Variants in REEP1 observed in about 807,000 individuals in gnomAD.
The protein encoded by REEP1 is receptor accessory protein 1, also known as receptor expression-enhancing protein 1.
REEP1 carries 22 observed loss-of-function variants against 40.3 expected under a neutral mutation model. The observed-to-expected ratio is 0.55, with a 90% CI of 0.39 to 0.78. The LOEUF is 0.78. Ranked by LOEUF, REEP1 falls within the 30% of genes least tolerant of loss-of-function variation. The probability of loss-of-function intolerance (pLI) is 0.00; values close to 1 mark genes in which losing one functional copy is unlikely to be tolerated. For missense variants in REEP1, 280 were observed against 361.1 expected, an observed-to-expected ratio of 0.78 and a Z score of 1.82; for synonymous variants, 116 against 139.2, an observed-to-expected ratio of 0.83 and a Z score of 1.17.
chr2:86,313,454 T>A (rs1679857317), intron 1 of REEP1, among the ~76,000 whole-genome samples: 1 of 152,192 alleles, frequency 6.6e-6, no homozygotes, highest in Non-Finnish European at 1.5e-5. Context: ...CTGTTTCTTA[T>A]ACTGAGAAGT....
intron 7 of REEP1, among the ~76,000 whole-genome samples, chr2:86,225,077 G>C (rs1299824560): frequency 2.6e-5 from 4 of 152,220 alleles, no homozygotes; most frequent in East Asian, 3.8e-4. Context: ...CCATGAACTA[G>C]TGTGTCCACC....
At position 86,220,084 on chromosome 2, in the gene REEP1, T is replaced by G; in HGVS notation, c.669A>C (p.Ala223=). ...GGTTTTGGACCTGGTGGGGCTCCCA[T>G]GCCTTCATACCACCCTCATTCACAT... ...EGDVNEGGMK[A]WEPHQVQNPL... is the part of the protein sequence containing the mutation. Residue 223 remains alanine (A), a synonymous_variant, in exon 8 of 9, where the codon GCA becomes GCC. Coordinates refer to ENST00000538924, the MANE Select transcript of REEP1 (RefSeq NM_001371279.1). 1 of 1,232,198 alleles carries G rather than the reference T, an allele frequency of 8.1e-7. No homozygotes were observed. Among genetic ancestry groups the G allele is most frequent in the Non-Finnish European group, 1.0e-6 (1 of 987,996 alleles). The allele number at this position is 1,232,198 out of a possible 1,614,324, so 76.3% of individuals were successfully genotyped here. A position where few individuals can be genotyped will look rare whatever the true frequency, so the allele number is the denominator to read the frequency against.
At chr2:86,303,206 CTAAT>C (rs1290617144) in intron 1 of REEP1, among the ~76,000 whole-genome samples, 4 of 134,934 alleles carry the variant, frequency 3.0e-5, no homozygotes, top group Admixed American at 8.3e-5. Context: ...CGATGCCCGG[CTAAT>C]TGTTTTTTTT....
At chr2:86,316,169 G>A (rs961563456) in intron 1 of REEP1, among the ~76,000 whole-genome samples, 1 of 152,160 alleles carries the variant, frequency 6.6e-6, no homozygotes, top group Non-Finnish European at 1.5e-5. Flanking sequence ...CTTTTAAGAT[G>A]TGTGAGCCAG....
intron 7 of REEP1, among the ~76,000 whole-genome samples, chr2:86,226,102 C>CCACCACCAG (rs1573994310): frequency 6.8e-6 from 1 of 146,366 alleles, no homozygotes; most frequent in Non-Finnish European, 1.5e-5. Context: ...ACCACCACCA[C>CCACCACCAG]CACCACCACC....
intron 1 of REEP1, among the ~76,000 whole-genome samples, chr2:86,307,360 T>C (rs867967728): frequency 1.3e-5 from 2 of 152,198 alleles, no homozygotes; most frequent in Middle Eastern, 3.2e-3. Context: ...AATAGAGGCA[T>C]GGCTCTTACA....
intron 7 of REEP1, among the ~76,000 whole-genome samples, chr2:86,221,276 C>G (rs1464754722): frequency 6.6e-6 from 1 of 152,202 alleles, no homozygotes; most frequent in African/African-American, 2.4e-5. Flanking sequence ...TCCCCAACAG[C>G]CAGCAGGAAG....
In REEP1 at chr2:86,236,941, A is replaced by G. The variant is rs534205838; in HGVS notation, c.418-4139T>C. On this transcript the variant is annotated intron_variant, in intron 5 of 8. Transcript: ENST00000538924. ...AGTAGAGACGGGGTTTCACCGTGTT[A>G]GCCAGGATGGTCTCGATCTCCTGAC... 2.5e-3 allele frequency among the ~76,000 whole-genome samples: 386 copies of G among 152,264 alleles called. 4 individuals carry two copies. The highest frequency in any genetic ancestry group is 8.3e-3 in the African/African-American group (346 of 41,562).
chr2:86,311,569 C>T (rs1320463003), intron 1 of REEP1, among the ~76,000 whole-genome samples: 5 of 152,120 alleles, frequency 3.3e-5, no homozygotes, highest in African/African-American at 1.2e-4. Flanking sequence ...GGGCATCACT[C>T]CAATCTGGCT....
chr2:86,236,392 C>T (rs535882871), intron 5 of REEP1, among the ~76,000 whole-genome samples: 4 of 152,278 alleles, frequency 2.6e-5, no homozygotes, highest in Admixed American at 6.5e-5. Context: ...GGAAGAACCA[C>T]GAGTTGTTCA....
At chr2:86,328,237 T>G (rs975779771) in intron 1 of REEP1, among the ~76,000 whole-genome samples, 1 of 152,192 alleles carries the variant, frequency 6.6e-6, no homozygotes, top group African/African-American at 2.4e-5. Flanking sequence ...ACTAGCCTCT[T>G]TCTCAAGGTG....
chr2:86,288,536 G>T (rs948010355), intron 1 of REEP1, among the ~76,000 whole-genome samples: 3 of 152,188 alleles, frequency 2.0e-5, no homozygotes, highest in Admixed American at 6.5e-5. Context: ...GCATACTTAG[G>T]TTCCTTATTT....
chr2:86,218,524 C>T (rs1022736532), intron 8 of REEP1, among the ~76,000 whole-genome samples: 6 of 152,256 alleles, frequency 3.9e-5, no homozygotes, highest in East Asian at 1.9e-4. Flanking sequence ...ACGGAAACAA[C>T]GGAACCCACC....
chr2:86,325,708 C>T (rs1308243623), intron 1 of REEP1, among the ~76,000 whole-genome samples: 2 of 152,196 alleles, frequency 1.3e-5, no homozygotes, highest in Non-Finnish European at 2.9e-5. Flanking sequence ...TCCCCTGGAA[C>T]TTCCACAAGG....
chr2:86,335,326 G>A (rs1193676611), intron 1 of REEP1, among the ~76,000 whole-genome samples: 1 of 151,912 alleles, frequency 6.6e-6, no homozygotes, highest in Non-Finnish European at 1.5e-5. Flanking sequence ...GGTTTCTACA[G>A]GGAATTAGGG....
intron 2 of REEP1, among the ~76,000 whole-genome samples, chr2:86,277,722 G>A (rs1427530828): frequency 3.3e-5 from 5 of 152,188 alleles, no homozygotes; most frequent in African/African-American, 1.2e-4. Context: ...TTGGATGGCG[G>A]AAGAGGAAAG....
At chr2:86,279,634 A>C (rs907499935) in intron 2 of REEP1, among the ~76,000 whole-genome samples, 1 of 152,236 alleles carries the variant, frequency 6.6e-6, no homozygotes, top group African/African-American at 2.4e-5. Context: ...CTTAAAGTGG[A>C]GAACCTTTCC....
intron 8 of REEP1, among the ~76,000 whole-genome samples, chr2:86,217,666 A>ATTTTTTTT (rs10668934): frequency 0.011 from 1,201 of 112,814 alleles, 40 homozygotes; most frequent in African/African-American, 0.034. Flanking sequence ...GGGATTTCAG[A>ATTTTTTTT]TTTTTTTTTT....
rs182725710 is a variant in REEP1, at chr2:86,317,132, G to A, written c.32+20347C>T. On this transcript the variant is annotated intron_variant, in intron 1 of 8. Coordinates refer to ENST00000538924, the MANE Select transcript of REEP1 (RefSeq NM_001371279.1). Reference sequence around the variant, plus strand: ...TGGGTCTAATCATTAGGATGAGTCCGACACATGCAGAACACTCTCCACACA... The same window carrying A: ...TGGGTCTAATCATTAGGATGAGTCCAACACATGCAGAACACTCTCCACACA... 8.1e-4 allele frequency among the ~76,000 whole-genome samples: 123 copies of A among 152,190 alleles called. 1 individual carries two copies. Among genetic ancestry groups the A allele is most frequent in the African/African-American group, 1.7e-3 (69 of 41,524 alleles).
Sources: allele counts gnomAD v4.1 joint callset (sites outside exome capture counted in the v4.1 genomes callset), GRCh38; gene constraint gnomAD v4.1.1; transcripts MANE v1.5; gene names NCBI Gene and HGNC (gene_info 2026-07-23, HGNC 2026-07-21).